LANCL2: variants seen among roughly 807,000 people sequenced by gnomAD.
LANCL2 encodes the protein LanC like glutathione S-transferase 2.
A neutral mutation model predicts 56.9 loss-of-function variants in LANCL2; 33 were observed. That is an observed-to-expected ratio of 0.58 (90% CI 0.44 to 0.78). The LOEUF is 0.78. Among genes scored for constraint, LANCL2 ranks in the 30% least tolerant of loss-of-function variants. The probability of loss-of-function intolerance (pLI) is 0.00; values close to 1 mark genes in which losing one functional copy is unlikely to be tolerated. For missense variants in LANCL2, 562 were observed against 580.2 expected (o/e 0.97, Z 0.32); for synonymous variants, 233 against 228.2 (o/e 1.02, Z -0.19).
chr7:55,394,562 CAAA>C (rs1790227911), intron 2 of LANCL2, among the ~76,000 whole-genome samples: 1 of 152,102 alleles, frequency 6.6e-6, no homozygotes, highest in South Asian at 2.1e-4. Context: ...CCTGTCTCAA[CAAA>C]AGAAGAAGAA....
intron 2 of LANCL2, among the ~76,000 whole-genome samples, chr7:55,392,168 C>A (rs186642812): frequency 5.5e-4 from 84 of 152,160 alleles, no homozygotes; most frequent in Non-Finnish European, 1.0e-3. Context: ...TGTCGGGCAC[C>A]TGTAATCCCA....
intron 2 of LANCL2, chr7:55,393,947 C>G (rs1311518964): frequency 6.6e-6 from 1 of 152,204 alleles, no homozygotes; most frequent in Non-Finnish European, 1.5e-5. Flanking sequence ...CGGGTTTCCC[C>G]TAACAAGCCT....
rs144587905 is a variant in LANCL2, at chr7:55,411,960, T to C, written c.879T>C (p.Ile293=). The change falls in exon 6 of 9, where the codon ATT becomes ATC. Residue 293 remains isoleucine (I), a synonymous_variant. Coordinates refer to ENST00000254770, the MANE Select transcript of LANCL2 (RefSeq NM_018697.4). ...ETLTEMVKPS[I]DYVRHKKFRS... ...TGACAGAAATGGTGAAACCCAGTAT[T>C]GATTATGTGCGCCACAAAAAATTCC... The C allele has an allele frequency of 5.6e-5, 91 of 1,614,106 alleles. No individual in the cohort carries two copies. The African/African-American group carries it at 6.1e-4, about 11-fold the overall frequency.
At chr7:55,416,425 T>TACAG (rs1309010419) in intron 6 of LANCL2, among the ~76,000 whole-genome samples, 2 of 152,110 alleles carry the variant, frequency 1.3e-5, no homozygotes, top group Non-Finnish European at 2.9e-5. Context: ...AGCTGGGGAC[T>TACAG]ACAGGCACGT....
chr7:55,389,583 G>C (rs1442530398), intron 1 of LANCL2, among the ~76,000 whole-genome samples: 1 of 151,936 alleles, frequency 6.6e-6, no homozygotes, highest in Non-Finnish European at 1.5e-5. Flanking sequence ...AATTAATTTT[G>C]TCCAGAGTGT....
At chr7:55,426,667 C>A in intron 7 of LANCL2, among the ~76,000 whole-genome samples, 1 of 152,132 alleles carries the variant, frequency 6.6e-6, no homozygotes, top group Non-Finnish European at 1.5e-5. Flanking sequence ...TCAGCCAAGA[C>A]CTGAGGGACA....
chr7:55,401,392 A>C, intron 5 of LANCL2, 72 bp downstream of exon 5: 1 of 1,375,334 alleles, frequency 7.3e-7, no homozygotes, highest in Non-Finnish European at 1.0e-6. Context: ...TCCTGCATAT[A>C]AACAAAGCAG....
chr7:55,366,666 C>T (rs545531722), intron 1 of LANCL2, among the ~76,000 whole-genome samples: 44 of 152,300 alleles, frequency 2.9e-4, no homozygotes, highest in African/African-American at 1.1e-3. Context: ...AAGCATTGTC[C>T]GTACTGTCTG....
chr7:55,415,989 G>A (rs555602276), intron 6 of LANCL2, among the ~76,000 whole-genome samples: 3 of 152,202 alleles, frequency 2.0e-5, no homozygotes, highest in South Asian at 4.1e-4. Flanking sequence ...TCTTGCACAG[G>A]TCTGTCTAGA....
At chr7:55,382,602 G>A (rs953217102) in intron 1 of LANCL2, among the ~76,000 whole-genome samples, 6 of 152,216 alleles carry the variant, frequency 3.9e-5, no homozygotes, top group East Asian at 1.9e-4. Context: ...CTGATTGGTC[G>A]GATCCTAGAT....
At chr7:55,425,230 C>G in intron 6 of LANCL2, 24 bp from the exon 7 acceptor site, 3 of 1,607,800 alleles carry the variant, frequency 1.9e-6, no homozygotes, top group African/African-American at 2.7e-5. Context: ...CTTTTTAACA[C>G]TGCTTTGTTT....
chr7:55,388,199 T>A (rs1404414256), intron 1 of LANCL2, among the ~76,000 whole-genome samples: 19 of 152,174 alleles, frequency 1.2e-4, no homozygotes, highest in Non-Finnish European at 2.6e-4. Flanking sequence ...TGTTAGAGAC[T>A]TTTTCTCTTT....
At chr7:55,383,606 CA>C (rs2128992027) in intron 1 of LANCL2, among the ~76,000 whole-genome samples, 1 of 152,292 alleles carries the variant, frequency 6.6e-6, no homozygotes, top group African/African-American at 2.4e-5. Flanking sequence ...AGAAAATAAA[CA>C]TTTCTGGAGC....
Position 55,433,444 on chromosome 7 carries a change from T to G in LANCL2, c.*2124T>G, listed in dbSNP as rs1790755563. ...ACCCCTGCCTCATGTCTGTAACATG[T>G]GACAGTAATTCCAGCTCGGTCCCTC... On this transcript the variant is annotated 3_prime_UTR_variant, in exon 9 of 9. Coordinates refer to ENST00000254770, the MANE Select transcript of LANCL2 (RefSeq NM_018697.4). 6.6e-6 allele frequency: 1 copy of G among 152,210 alleles called. No homozygotes were observed. Among genetic ancestry groups the G allele is most frequent in the South Asian group, 2.1e-4 (1 of 4,832 alleles). The allele number at this position is 152,210 out of a possible 1,614,324, so 9.4% of individuals were successfully genotyped here. A position where few individuals can be genotyped will look rare whatever the true frequency, so the allele number is the denominator to read the frequency against.
intron 1 of LANCL2, among the ~76,000 whole-genome samples, chr7:55,382,500 C>T (rs764005286): frequency 5.3e-5 from 8 of 152,022 alleles, no homozygotes; most frequent in Admixed American, 2.0e-4. Context: ...AACTGGAGAC[C>T]GGAGTTTTTT....
In LANCL2 at chr7:55,431,319, A is replaced by AAAT. The variant is rs1441309372; in HGVS notation, c.*1_*2insTAA. 4 of 1,607,880 alleles carry AAAT rather than the reference A, an allele frequency of 2.5e-6. No individual in the cohort carries two copies. The highest frequency in any genetic ancestry group is 3.4e-6 in the Non-Finnish European group (4 of 1,175,974). ...GAACTTGACTCTTCGAAGAGGGATT[A>AAAT]AAAGGTGCAAAAAGACAACTAAAAT... On this transcript the variant is annotated inframe_insertion and stop_retained_variant, in exon 9 of 9. Transcript: ENST00000254770.
At chr7:55,403,818 C>T (rs1407520942) in intron 5 of LANCL2, among the ~76,000 whole-genome samples, 1 of 152,030 alleles carries the variant, frequency 6.6e-6, no homozygotes. Context: ...GATCCGCCCA[C>T]GTCAGCCTCC....
intron 3 of LANCL2, among the ~76,000 whole-genome samples, chr7:55,399,750 ATGTTT>A (rs1216344554): frequency 1.3e-5 from 2 of 152,208 alleles, no homozygotes; most frequent in African/African-American, 4.8e-5. Flanking sequence ...TAACAGAAAG[ATGTTT>A]TGTTTTTAAT....
chr7:55,420,557 A>G (rs1441191389), intron 6 of LANCL2, among the ~76,000 whole-genome samples: 7 of 152,242 alleles, frequency 4.6e-5, no homozygotes, highest in African/African-American at 9.6e-5. Flanking sequence ...AGTTAGGCCA[A>G]TGGTTGGATG....
Sources: allele counts gnomAD v4.1 joint callset (sites outside exome capture counted in the v4.1 genomes callset), GRCh38; gene constraint gnomAD v4.1.1; transcripts MANE v1.5; gene names NCBI Gene and HGNC (gene_info 2026-07-23, HGNC 2026-07-21).